The following C2orf76 variants were observed in gnomAD, a reference collection of about 807,000 sequenced individuals.
C2orf76 encodes the protein UPF0538 protein C2orf76.
Under a neutral mutation model 16.9 loss-of-function variants are expected in C2orf76, and 23 were observed. The observed-to-expected ratio is 1.36, with a 90% CI of 0.98 to 1.93. C2orf76 has a LOEUF of 1.93. Among genes scored for constraint, C2orf76 ranks in the 30% most tolerant of loss-of-function variants. The pLI is 0.00. For synonymous variants in C2orf76, 48 were observed against 52.3 expected, an observed-to-expected ratio of 0.92 and a Z score of 0.35; for missense variants, 152 against 152.6, an observed-to-expected ratio of 1.00 and a Z score of 0.02.
At chr2:119,355,960 T>C (rs1428920390) in intron 1 of C2orf76, among the ~76,000 whole-genome samples, 2 of 151,802 alleles carry the variant, frequency 1.3e-5, no homozygotes, top group African/African-American at 4.8e-5. Flanking sequence ...CCATGACGAG[T>C]CTGAAGAAGT....
At chr2:119,340,115 C>T in intron 1 of C2orf76, 144 bp from the exon 2 acceptor site, 1 of 859,602 alleles carries the variant, frequency 1.2e-6, no homozygotes, top group Non-Finnish European at 1.7e-6. Flanking sequence ...CAAACAGAAG[C>T]CAGGTTCCAG....
intron 3 of C2orf76, among the ~76,000 whole-genome samples, chr2:119,319,757 G>C (rs575727041): frequency 5.3e-5 from 8 of 152,288 alleles, no homozygotes; most frequent in Non-Finnish European, 1.2e-4. Context: ...AAAGGGTAGG[G>C]AGACAGTGAC....
chr2:119,315,022 G>A (rs888583014), intron 4 of C2orf76, among the ~76,000 whole-genome samples: 17 of 152,178 alleles, frequency 1.1e-4, no homozygotes, highest in African/African-American at 4.1e-4. Flanking sequence ...AGGAAGGACA[G>A]CAGCATTTTA....
intron 3 of C2orf76, among the ~76,000 whole-genome samples, chr2:119,318,138 C>T (rs1679233066): frequency 6.6e-6 from 1 of 152,246 alleles, no homozygotes; most frequent in African/African-American, 2.4e-5. Flanking sequence ...TCAGGCTACA[C>T]TGTGCACTTC....
chr2:119,292,889 G>A, the C2orf76 span, among the ~76,000 whole-genome samples: 1 of 150,868 alleles, frequency 6.6e-6, no homozygotes, highest in South Asian at 2.2e-4. Flanking sequence ...ACAAAAATTA[G>A]CTGGGTGTGG....
chr2:119,308,658 C>CA (rs996033695), intron 5 of C2orf76, among the ~76,000 whole-genome samples: 1 of 151,958 alleles, frequency 6.6e-6, no homozygotes, highest in Non-Finnish European at 1.5e-5. Context: ...AAAACAAAAA[C>CA]AAAAAAACCC....
intron 4 of C2orf76, among the ~76,000 whole-genome samples, chr2:119,316,604 T>C (rs1428412365): frequency 5.3e-5 from 8 of 152,050 alleles, no homozygotes; most frequent in Non-Finnish European, 8.8e-5. Context: ...GGTGATTGAG[T>C]GTATGGAGTG....
At chr2:119,316,621 C>T (rs763893444) in intron 4 of C2orf76, among the ~76,000 whole-genome samples, 28 of 149,664 alleles carry the variant, frequency 1.9e-4, no homozygotes, top group African/African-American at 6.3e-4. Flanking sequence ...AGTGCATCTA[C>T]GACTACAGAA....
intron 5 of C2orf76, among the ~76,000 whole-genome samples, chr2:119,307,683 T>G (rs1678836274): frequency 6.6e-6 from 1 of 152,120 alleles, no homozygotes; most frequent in South Asian, 2.1e-4. Context: ...GAGGGCAGTT[T>G]GGAGTCCTCA....
rs117055292 is a variant in C2orf76 at position 119,332,964 on chromosome 2, T to C, written c.133+6863A>G. 3.6e-4 allele frequency among the ~76,000 whole-genome samples: 55 copies of C among 152,328 alleles called. No individual in the cohort carries two copies. In the East Asian group the frequency reaches 7.3e-3, roughly 20 times the overall value. On this transcript the variant is annotated intron_variant, in intron 2 of 5. Coordinates refer to ENST00000334816, the MANE Select transcript of C2orf76 (RefSeq NM_001322331.2). ...CTCAGGCTGGTCTCGAACTCCTGCATTCAAGTGATCCTCCCGCTTTGGCCT... is the reference window on the plus strand; with the variant it reads ...CTCAGGCTGGTCTCGAACTCCTGCACTCAAGTGATCCTCCCGCTTTGGCCT...
At chr2:119,356,587 A>G (rs1414571286) in intron 1 of C2orf76, among the ~76,000 whole-genome samples, 1 of 151,930 alleles carries the variant, frequency 6.6e-6, no homozygotes, top group Non-Finnish European at 1.5e-5. Flanking sequence ...CTCCCACCTC[A>G]AGAACCTAGA....
At chr2:119,300,338 C>T (rs1678597934), downstream of C2orf76, among the ~76,000 whole-genome samples, 1 of 152,202 alleles carries the variant, frequency 6.6e-6, no homozygotes, top group Non-Finnish European at 1.5e-5. Flanking sequence ...ACTTCACCTG[C>T]TCAATGATGT....
At chr2:119,288,829 C>G in the C2orf76 span, among the ~76,000 whole-genome samples, 1 of 151,972 alleles carries the variant, frequency 6.6e-6, no homozygotes, top group Non-Finnish European at 1.5e-5. Context: ...GTCACCTCCC[C>G]AGAACAAGAC....
chr2:119,353,004 C>G (rs925417864), intron 1 of C2orf76, among the ~76,000 whole-genome samples: 1 of 151,986 alleles, frequency 6.6e-6, no homozygotes, highest in African/African-American at 2.4e-5. Context: ...TGTGAGGAAA[C>G]TAAATTGGCA....
chr2:119,323,955 C>T (rs1679430010), intron 2 of C2orf76, among the ~76,000 whole-genome samples: 2 of 152,208 alleles, frequency 1.3e-5, no homozygotes, highest in Admixed American at 6.5e-5. Context: ...CTGCCAGATA[C>T]CAATTTGAAA....
chr2:119,331,060 T>A (rs1268153881), intron 2 of C2orf76, among the ~76,000 whole-genome samples: 1 of 152,194 alleles, frequency 6.6e-6, no homozygotes, highest in Non-Finnish European at 1.5e-5. Flanking sequence ...GGGTCATACT[T>A]TTTTGCTTCT....
Position 119,366,819 on chromosome 2 carries a change from C to A in C2orf76, c.-42G>T, listed in dbSNP as rs1293140464. ...TCCCGGCGTCCCCTTCGGCTACTCCCGGCGTTTGCGCAAGCGGTCCCACGT... is the reference window on the plus strand; with the variant it reads ...TCCCGGCGTCCCCTTCGGCTACTCCAGGCGTTTGCGCAAGCGGTCCCACGT... On this transcript the variant is annotated 5_prime_UTR_variant, in exon 1 of 6. Transcript: ENST00000334816. 3.4e-6 allele frequency: 2 copies of A among 591,474 alleles called. No homozygotes were observed. Among genetic ancestry groups the A allele is most frequent in the African/African-American group, 3.8e-5 (2 of 52,438 alleles). 36.6% of individuals were successfully genotyped at this position (591,474 alleles called of 1,614,324 possible).
At chr2:119,338,477 C>A (rs185242995) in intron 2 of C2orf76, among the ~76,000 whole-genome samples, 10 of 152,138 alleles carry the variant, frequency 6.6e-5, no homozygotes, top group African/African-American at 2.4e-4. Flanking sequence ...TGTCACTTCT[C>A]TAAAATTTTA....
rs1018169563 is a variant in C2orf76, at chr2:119,302,314, G to C, written c.*158C>G. The stretch of plus-strand genomic sequence containing the variant: ...TTACAACAACAAAGAAAAAGAAAGA[G>C]AGAAGGAAAGACCTGAAGAGAAAGA... On this transcript the variant is annotated 3_prime_UTR_variant, in exon 6 of 6. Coordinates refer to ENST00000334816, the MANE Select transcript of C2orf76 (RefSeq NM_001322331.2). 1 of 287,272 alleles carries C rather than the reference G, an allele frequency of 3.5e-6. No homozygotes were observed. The highest frequency in any genetic ancestry group is 6.5e-5 in the Admixed American group (1 of 15,274). The allele number at this position is 287,272 out of a possible 1,614,324, so 17.8% of individuals were successfully genotyped here.
Sources: gnomAD v4.1 joint callset for allele counts (sites outside exome capture counted in the v4.1 genomes callset) on GRCh38, gnomAD v4.1.1 for gene constraint, MANE v1.5 for transcripts, NCBI Gene and HGNC (gene_info 2026-07-23, HGNC 2026-07-21) for gene names.